The following EP300 variants were observed in gnomAD, a reference collection of about 807,000 sequenced individuals.
The protein encoded by EP300 is EP300 lysine acetyltransferase.
EP300 carries 31 observed loss-of-function variants against 264.0 expected under a neutral mutation model. The ratio of observed to expected loss-of-function variants is 0.12; its 90% confidence interval spans 0.09 to 0.16. The LOEUF is 0.16. EP300 is among the 10% of genes least tolerant of loss of function. The pLI, the probability that EP300 is intolerant of heterozygous loss-of-function variation, is 1.00. For synonymous variants in EP300, 1,340 were observed against 1,045.4 expected (o/e 1.28, Z -5.44); for missense variants, 2,766 against 3,052.9 (o/e 0.91, Z 2.21).
rs147244947 is a variant in EP300, at chr22:41,117,770, C to G, written c.678C>G (p.Gly226=). The G allele has an allele frequency of 1.9e-3, 3,083 of 1,614,220 alleles. 31 individuals carry two copies. The East Asian group carries it at 0.03, about 16-fold the overall frequency. Residue 226 remains glycine (G), a synonymous_variant, in exon 2 of 31, where the codon GGC becomes GGG. Coordinates refer to ENST00000263253, the MANE Select transcript of EP300 (RefSeq NM_001429.4). ...GNLLTEPLQQ[G]SPQMGGQTGL... ...TACTGACTGAGCCTCTTCAGCAGGG[C>G]TCTCCCCAGATGGGAGGACAAACAG...
rs944102798 is a variant in EP300, at chr22:41,092,691, A to C, written c.-314A>C. The C allele has an allele frequency of 2.1e-5, 13 of 614,762 alleles. No individual in the cohort carries two copies. The highest frequency in any genetic ancestry group is 2.9e-5 in the Non-Finnish European group (10 of 340,390). 38.1% of individuals were successfully genotyped at this position (614,762 alleles called of 1,614,324 possible). On this transcript the variant is annotated 5_prime_UTR_variant, in exon 1 of 31. Transcript: ENST00000263253. The stretch of plus-strand genomic sequence containing the variant: ...AGGGGCCGGCCGTGGCGGGCCGGGG[A>C]CTGCGCCTCTAGAGCCGCGAGTTCT...
Position 41,178,885 on chromosome 22 carries a change from G to A in EP300, c.7174G>A (p.Asp2392Asn), listed in dbSNP as rs975210038. The A allele has an allele frequency of 1.9e-6, 3 of 1,614,182 alleles. No homozygotes were observed. In the Admixed American group the frequency reaches 5.0e-5, roughly 27 times the overall value. ...AAACCTCCATGGTGCAAGCGCCACG[G>A]ACCTGGGACTCAGCACCGATAACTC... is the stretch of plus-strand genomic sequence containing the variant. ...MANLHGASAT[D>N]LGLSTDNSDL... The change falls in exon 31 of 31, where the codon GAC becomes AAC. Residue 2392 changes from aspartate to asparagine, a missense_variant. Coordinates refer to ENST00000263253, the MANE Select transcript of EP300 (RefSeq NM_001429.4).
In EP300 at chr22:41,117,439, G is replaced by A. The variant is rs764120087; in HGVS notation, c.347G>A (p.Gly116Asp). Residue 116 changes from glycine to aspartate, a missense_variant, in exon 2 of 31, where the codon GGT becomes GAT. Coordinates refer to ENST00000263253, the MANE Select transcript of EP300 (RefSeq NM_001429.4). ...SQAQQSSPGLGLINSMVKSPM... is the reference protein window; with the variant it reads ...SQAQQSSPGLDLINSMVKSPM... ...GCCCAACAGAGCAGTCCTGGATTAG[G>A]TTTGATAAATAGCATGGTCAAAAGC... 1 of 1,614,176 alleles carries A rather than the reference G, an allele frequency of 6.2e-7. No individual in the cohort carries two copies. Among genetic ancestry groups the A allele is most frequent in the Non-Finnish European group, 8.5e-7 (1 of 1,179,998 alleles).
rs770995695 is a variant in EP300, at chr22:41,169,638, C to T, written c.4286+22C>T. 149 of 1,369,906 alleles carry T rather than the reference C, an allele frequency of 1.1e-4. 2 individuals carry two copies. In the East Asian group the frequency reaches 2.4e-3, roughly 22 times the overall value. 84.9% of individuals were successfully genotyped at this position (1,369,906 alleles called of 1,614,324 possible). A position where few individuals can be genotyped will look rare whatever the true frequency, so the allele number is the denominator to read the frequency against. On this transcript the variant is annotated intron_variant, in intron 26 of 30. Transcript: ENST00000263253. ...TAGGGTAAGCATATTTTGATAATGG[C>T]TTTTTTTCTTTAACTAGCATGGCAT...
At chr22:41,129,639 C>T (rs1020219238) in intron 4 of EP300, among the ~76,000 whole-genome samples, 4 of 152,146 alleles carry the variant, frequency 2.6e-5, no homozygotes, top group Non-Finnish European at 5.9e-5. Context: ...AAAATGAGGG[C>T]TCTTAAGCCA....
At chr22:41,165,533 C>G (rs1381535111) in intron 22 of EP300, among the ~76,000 whole-genome samples, 1 of 152,040 alleles carries the variant, frequency 6.6e-6, no homozygotes, top group Non-Finnish European at 1.5e-5. Flanking sequence ...AAGTGATTCT[C>G]CTGCCTCAGC....
intron 11 of EP300, among the ~76,000 whole-genome samples, chr22:41,147,133 G>C (rs2059015629): frequency 6.6e-6 from 1 of 152,108 alleles, no homozygotes; most frequent in South Asian, 2.1e-4. Flanking sequence ...GTGAAACCCT[G>C]TCTCTACTAA....
At chr22:41,099,134 G>A (rs1038199600) in intron 1 of EP300, among the ~76,000 whole-genome samples, 1 of 151,908 alleles carries the variant, frequency 6.6e-6, no homozygotes, top group Non-Finnish European at 1.5e-5. Context: ...GCGTGATCTC[G>A]GCCTATGACA....
chr22:41,177,697 A>C lies in EP300; in HGVS notation c.5986A>C (p.Ser1996Arg). 6.2e-7 allele frequency: 1 copy of C among 1,613,808 alleles called. No individual in the cohort carries two copies. Among genetic ancestry groups the C allele is most frequent in the Non-Finnish European group, 8.5e-7 (1 of 1,180,016 alleles). Residue 1996 changes from serine (S) to arginine (R), a missense_variant, in exon 31 of 31, where the codon AGC becomes CGC. Coordinates refer to ENST00000263253, the MANE Select transcript of EP300 (RefSeq NM_001429.4). Reference protein sequence around the residue: ...PTGMQQQPPWSQGGLPQPQQL... With the variant: ...PTGMQQQPPWRQGGLPQPQQL... ...AGGGATGCAGCAACAGCCACCCTGG[A>C]GCCAAGGAGGATTGCCTCAGCCCCA...
At chr22:41,134,850 A>G (rs1306181672) in intron 6 of EP300, among the ~76,000 whole-genome samples, 2 of 151,934 alleles carry the variant, frequency 1.3e-5, no homozygotes, top group African/African-American at 4.8e-5. Flanking sequence ...ACACTAGCAT[A>G]TTTTCCCCTC....
chr22:41,170,728 T>C (rs2059165056), intron 27 of EP300, among the ~76,000 whole-genome samples, 157 bp downstream of exon 27: 1 of 149,144 alleles, frequency 6.7e-6, no homozygotes, highest in Non-Finnish European at 1.5e-5. Context: ...GTGACACGAT[T>C]TTGGCTCACT....
At chr22:41,096,258 T>C (rs965701790) in intron 1 of EP300, among the ~76,000 whole-genome samples, 2 of 152,138 alleles carry the variant, frequency 1.3e-5, no homozygotes, top group African/African-American at 4.8e-5. Flanking sequence ...TGGAAATATC[T>C]TTTGGAGCTG....
At position 41,150,008 on chromosome 22, in the gene EP300, A is replaced by G. The variant is rs587778254; in HGVS notation, c.2627A>G (p.Gln876Arg). 4.3e-6 allele frequency: 7 copies of G among 1,613,536 alleles called. No homozygotes were observed. Among genetic ancestry groups the G allele is most frequent in the Non-Finnish European group, 5.1e-6 (6 of 1,179,932 alleles). ...GCCATGCCACCTGGGCCACAGTCCC[A>G]GGCTCTACATCCCCCTCCAAGGCAG... ...PPAMPPGPQS[Q>R]ALHPPPRQTP... Residue 876 changes from glutamine (Q) to arginine (R), a missense_variant, in exon 14 of 31, where the codon CAG (glutamine) becomes CGG (arginine). Transcript: ENST00000263253.
chr22:41,136,046 T>G (rs1228631683), intron 7 of EP300, 140 bp downstream of exon 7: 1 of 737,288 alleles, frequency 1.4e-6, no homozygotes, highest in Non-Finnish European at 2.4e-6. Context: ...CATTCTTTCT[T>G]TTTTCGCTCT....
chr22:41,162,750 G>C lies in EP300; in HGVS notation c.3699G>C (p.Lys1233Asn). 1.2e-6 allele frequency: 2 copies of C among 1,612,788 alleles called. No homozygotes were observed. The highest frequency in any genetic ancestry group is 1.7e-6 in the Non-Finnish European group (2 of 1,178,940). The change falls in exon 21 of 31, where the codon AAG (lysine) becomes AAC (asparagine). Residue 1233 changes from lysine (K) to asparagine (N), a missense_variant. Lys to Asn is a moderately conservative substitution (Grantham distance 94, BLOSUM62 0). Coordinates refer to ENST00000263253, the MANE Select transcript of EP300 (RefSeq NM_001429.4). ...QTTINKEQFS[K>N]RKNDTLDPEL... ...CAATAAATAAAGAACAATTTTCCAA[G>C]AGAAAAAATGACACACTGGATCCTG...
intron 2 of EP300, among the ~76,000 whole-genome samples, chr22:41,118,213 C>A (rs575520164): frequency 5.3e-5 from 8 of 152,142 alleles, no homozygotes; most frequent in Non-Finnish European, 8.8e-5. Context: ...TCAAGAGATA[C>A]ATTTATTCTG....
At chr22:41,098,284 A>G (rs1018827429) in intron 1 of EP300, among the ~76,000 whole-genome samples, 1 of 152,216 alleles carries the variant, frequency 6.6e-6, no homozygotes, top group Non-Finnish European at 1.5e-5. Flanking sequence ...GATAAATAAT[A>G]ATTGAGGTGT....
At chr22:41,173,244 G>A (rs1016496370) in intron 28 of EP300, among the ~76,000 whole-genome samples, 9 of 152,114 alleles carry the variant, frequency 5.9e-5, no homozygotes, top group Non-Finnish European at 1.3e-4. Context: ...TAACATTTTA[G>A]AATATGAGTG....
chr22:41,173,554 T>C (rs2059182862), intron 28 of EP300, 69 bp from the exon 29 acceptor site: 2 of 1,487,916 alleles, frequency 1.3e-6, no homozygotes, highest in Non-Finnish European at 1.9e-6. Context: ...AGAAGGGAGA[T>C]ATTCTGTGCT....
Sources: allele counts gnomAD v4.1 joint callset (sites outside exome capture counted in the v4.1 genomes callset), GRCh38; gene constraint gnomAD v4.1.1; transcripts MANE v1.5; gene names NCBI Gene and HGNC (gene_info 2026-07-23, HGNC 2026-07-21).